The following PKHD1 variants were observed in gnomAD, a reference collection of about 807,000 sequenced individuals.
PKHD1 encodes PKHD1 ciliary IPT domain containing fibrocystin/polyductin, also known as fibrocystin.
A neutral mutation model predicts 412.0 loss-of-function variants in PKHD1; 291 were observed. The observed-to-expected ratio is 0.71, with a 90% CI of 0.64 to 0.78. The LOEUF (loss-of-function observed/expected upper bound fraction) is 0.78, where lower values mean the gene tolerates loss of function less well. Ranked by LOEUF, PKHD1 falls within the 30% of genes least tolerant of loss-of-function variation. PKHD1 has a pLI of 0.00. For synonymous variants in PKHD1, 1,777 were observed against 1,821.5 expected (o/e 0.98, Z 0.62); for missense variants, 4,825 against 4,950.7 (o/e 0.97, Z 0.76).
At chr6:52,015,437 A>G (rs1679668351) in intron 34 of PKHD1, among the ~76,000 whole-genome samples, 1 of 152,234 alleles carries the variant, frequency 6.6e-6, no homozygotes, top group Non-Finnish European at 1.5e-5. Flanking sequence ...CCCACTGGCA[A>G]AAAGACCGCT....
intron 60 of PKHD1, chr6:51,721,702 C>G: frequency 7.7e-7 from 1 of 1,295,502 alleles, no homozygotes; most frequent in Non-Finnish European, 9.8e-7. Context: ...GATATCCTGA[C>G]TACGGACAAT....
intron 53 of PKHD1, among the ~76,000 whole-genome samples, chr6:51,783,618 G>A (rs1390852575): frequency 2.0e-5 from 3 of 151,914 alleles, no homozygotes; most frequent in East Asian, 1.9e-4. Context: ...TGAGAACAAT[G>A]TCTCATATAA....
chr6:52,056,010 A>G (rs1451078822), intron 18 of PKHD1, among the ~76,000 whole-genome samples: 1 of 152,134 alleles, frequency 6.6e-6, no homozygotes, highest in Admixed American at 6.5e-5. Flanking sequence ...TTAATATTTT[A>G]GGGGCTGGAT....
chr6:51,691,727 A>G (rs1036532321), intron 60 of PKHD1, among the ~76,000 whole-genome samples: 4 of 152,156 alleles, frequency 2.6e-5, no homozygotes, highest in African/African-American at 4.8e-5. Context: ...TACCTGGGTG[A>G]CAAAATAATC....
At chr6:52,070,691 T>C (rs1810481210) in intron 9 of PKHD1, among the ~76,000 whole-genome samples, 1 of 152,178 alleles carries the variant, frequency 6.6e-6, no homozygotes, top group African/African-American at 2.4e-5. Context: ...AAATGCAGTA[T>C]TGCATAGCAG....
chr6:51,868,240 A>G, intron 47 of PKHD1, 131 bp from the exon 48 acceptor site: 1 of 886,162 alleles, frequency 1.1e-6, no homozygotes, highest in Non-Finnish European at 1.8e-6. Flanking sequence ...TGCAAGAAAA[A>G]AAGTGTTTTC....
intron 55 of PKHD1, among the ~76,000 whole-genome samples, chr6:51,758,987 T>G (rs1400154805): frequency 6.6e-6 from 1 of 152,102 alleles, no homozygotes; most frequent in Non-Finnish European, 1.5e-5. Context: ...AGGCTCAGAG[T>G]GTACATATCA....
intron 48 of PKHD1, among the ~76,000 whole-genome samples, chr6:51,858,538 G>A (rs1167102325): frequency 1.3e-5 from 2 of 152,082 alleles, no homozygotes; most frequent in Non-Finnish European, 2.9e-5. Flanking sequence ...CAAGTACAGG[G>A]AATGATTATA....
At position 52,083,217 on chromosome 6, in the gene PKHD1, T is replaced by G. The variant is rs1812294676; in HGVS notation, c.91A>C (p.Ser31Arg). The G allele has an allele frequency of 1.2e-6, 2 of 1,612,658 alleles. No homozygotes were observed. The highest frequency in any genetic ancestry group is 4.5e-5 in the East Asian group (2 of 44,878). Residue 31 changes from serine (S) to arginine (R), a missense_variant, in exon 3 of 67, where the codon AGC becomes CGC. By Grantham distance (110) the Ser-to-Arg change is moderately radical. Transcript: ENST00000371117. ...GTGATCCACGTTCCCCCTGCAAGGCTACCTTCTTCAGGTTCAATATGTAAA... is the reference window on the plus strand; with the variant it reads ...GTGATCCACGTTCCCCCTGCAAGGCGACCTTCTTCAGGTTCAATATGTAAA... The part of the protein sequence containing the change: ...LSLHIEPEEG[S>R]LAGGTWITVI...
chr6:51,976,427 A>G (rs1794447262), intron 35 of PKHD1, among the ~76,000 whole-genome samples: 1 of 152,230 alleles, frequency 6.6e-6, no homozygotes, highest in Non-Finnish European at 1.5e-5. Context: ...CACTTGTATA[A>G]AGTGCCTATT....
intron 39 of PKHD1, among the ~76,000 whole-genome samples, chr6:51,911,421 G>A (rs1782923354): frequency 6.6e-6 from 1 of 152,142 alleles, no homozygotes; most frequent in African/African-American, 2.4e-5. Flanking sequence ...CAGTAAGAAT[G>A]TGCTGCCTGA....
intron 35 of PKHD1, among the ~76,000 whole-genome samples, chr6:51,992,298 T>C (rs189887040): frequency 6.6e-6 from 1 of 152,358 alleles, no homozygotes; most frequent in Non-Finnish European, 1.5e-5. Context: ...GGTGGCATCA[T>C]AGCAAGTATT....
chr6:51,732,005 T>A (rs571822258), intron 60 of PKHD1, among the ~76,000 whole-genome samples: 2 of 152,278 alleles, frequency 1.3e-5, no homozygotes, highest in South Asian at 4.1e-4. Flanking sequence ...ACTTTATAAA[T>A]TGACATGGCA....
At chr6:51,938,971 T>A (rs1787984190) in intron 36 of PKHD1, among the ~76,000 whole-genome samples, 1 of 151,572 alleles carries the variant, frequency 6.6e-6, no homozygotes, top group Non-Finnish European at 1.5e-5. Context: ...AGAAGATGCG[T>A]TTTATCCATG....
At chr6:52,081,956 A>G (rs1343690669) in intron 4 of PKHD1, among the ~76,000 whole-genome samples, 1 of 152,204 alleles carries the variant, frequency 6.6e-6, no homozygotes, top group Non-Finnish European at 1.5e-5. Flanking sequence ...TCTTATAAAA[A>G]TATTTTCTAA....
intron 35 of PKHD1, among the ~76,000 whole-genome samples, chr6:51,983,906 G>C (rs542373447): frequency 6.6e-6 from 1 of 152,214 alleles, no homozygotes; most frequent in Admixed American, 6.5e-5. Flanking sequence ...CACTTTACCT[G>C]CTATCCCTGC....
intron 60 of PKHD1, among the ~76,000 whole-genome samples, chr6:51,716,074 G>A (rs1781223287): frequency 6.6e-6 from 1 of 152,156 alleles, no homozygotes; most frequent in Non-Finnish European, 1.5e-5. Flanking sequence ...AGTTACTAAA[G>A]GCACATTTGC....
Position 52,045,057 on chromosome 6 carries a change from G to A in PKHD1, c.2624C>T (p.Pro875Leu). 1 of 1,613,392 alleles carries A rather than the reference G, an allele frequency of 6.2e-7. No homozygotes were observed. The highest frequency in any genetic ancestry group is 8.5e-7 in the Non-Finnish European group (1 of 1,179,410). Residue 875 changes from proline (P) to leucine (L), a missense_variant, in exon 25 of 67, where the codon CCT becomes CTT. Transcript: ENST00000371117. ...VSDENLTGVN[P>L]AAATRVVYDG... is the part of the protein sequence containing the mutation. ...ATATACCACACGCGTGGCTGCAGCA[G>A]GATTCACTCCAGTAAGGTTTTCATC...
chr6:52,007,673 C>T (rs968548430), intron 35 of PKHD1, among the ~76,000 whole-genome samples: 3 of 152,198 alleles, frequency 2.0e-5, no homozygotes, highest in African/African-American at 7.2e-5. Flanking sequence ...ATTACATAGT[C>T]ACTTAGTTAT....
Sources: gnomAD v4.1 joint callset for allele counts (sites outside exome capture counted in the v4.1 genomes callset) on GRCh38, gnomAD v4.1.1 for gene constraint, MANE v1.5 for transcripts, NCBI Gene and HGNC (gene_info 2026-07-23, HGNC 2026-07-21) for gene names.